Variants in TRIM44 observed in about 807,000 individuals in gnomAD.
TRIM44 encodes the protein tripartite motif-containing protein 44.
TRIM44 carries 13 observed loss-of-function variants against 37.4 expected under a neutral mutation model. The ratio of observed to expected loss-of-function variants is 0.35; its 90% CI spans 0.23 to 0.55. TRIM44 has a LOEUF of 0.55. Among genes scored for constraint, TRIM44 ranks in the 20% least tolerant of loss-of-function variants. TRIM44 has a pLI of 0.89. For synonymous variants in TRIM44, 175 were observed against 157.2 expected (o/e 1.11, Z -0.85); for missense variants, 426 against 437.2 (o/e 0.97, Z 0.23).
chr11:35,785,613 C>T (rs1195407276), intron 4 of TRIM44, among the ~76,000 whole-genome samples: 1 of 152,226 alleles, frequency 6.6e-6, no homozygotes, highest in East Asian at 1.9e-4. Flanking sequence ...AACACAGTAT[C>T]AGCCTGATTC....
chr11:35,692,493 T>C (rs1421205539), intron 2 of TRIM44, among the ~76,000 whole-genome samples: 1 of 152,190 alleles, frequency 6.6e-6, no homozygotes, highest in African/African-American at 2.4e-5. Flanking sequence ...TGAGCTTCCC[T>C]AATCTGAAAA....
chr11:35,731,311 A>C (rs765585420), intron 3 of TRIM44, among the ~76,000 whole-genome samples: 5 of 152,082 alleles, frequency 3.3e-5, no homozygotes, highest in Non-Finnish European at 7.4e-5. Context: ...CTTTTGTGAG[A>C]TATATCTTCT....
chr11:35,662,801 A>G lies in TRIM44; in HGVS notation c.-311A>G, dbSNP rs1851283345. 2 of 234,622 alleles carry G rather than the reference A, an allele frequency of 8.5e-6. No homozygotes were observed. Among genetic ancestry groups the G allele is most frequent in the East Asian group, 1.7e-4 (2 of 11,582 alleles). 14.5% of individuals were successfully genotyped at this position (234,622 alleles called of 1,614,324 possible). A position where few individuals can be genotyped will look rare whatever the true frequency, so the allele number is the denominator to read the frequency against. On this transcript the variant is annotated 5_prime_UTR_variant, in exon 1 of 5. Coordinates refer to ENST00000299413, the MANE Select transcript of TRIM44 (RefSeq NM_017583.6). ...GCGGCTGCCGCGATCTCTCCCTGGT[A>G]GCGGGAGGCTGAGCGGGCGGCGCGA...
In TRIM44 at chr11:35,795,704, AATAG is replaced by A. The variant is rs1441892814; in HGVS notation, c.1008-10649_1008-10646del. Among the ~76,000 whole-genome samples, 4 of 151,820 alleles carry A rather than the reference AATAG, an allele frequency of 2.6e-5. No individual in the cohort carries two copies. In the East Asian group the frequency reaches 7.7e-4, roughly 29 times the overall value. On this transcript the variant is annotated intron_variant, in intron 4 of 4. Transcript: ENST00000299413. The stretch of plus-strand genomic sequence containing the variant: ...GTGTTAACTCTTCCCGTTTTTTTTT[AATAG>A]ATAGCAGTTTCAGAGGAAATGGGTG...
chr11:35,794,643 T>G (rs1853258039), intron 4 of TRIM44, among the ~76,000 whole-genome samples: 1 of 152,170 alleles, frequency 6.6e-6, no homozygotes, highest in African/African-American at 2.4e-5. Flanking sequence ...GCAGAGACAA[T>G]TAGAAAAGAA....
chr11:35,774,948 T>C (rs1016023780), intron 4 of TRIM44, among the ~76,000 whole-genome samples: 3 of 152,186 alleles, frequency 2.0e-5, no homozygotes, highest in East Asian at 1.9e-4. Context: ...CTTGGCAATG[T>C]GGGCTCTTTT....
chr11:35,721,138 A>G (rs927341989), intron 2 of TRIM44, among the ~76,000 whole-genome samples: 2 of 152,112 alleles, frequency 1.3e-5, no homozygotes, highest in Non-Finnish European at 2.9e-5. Context: ...TCCTGACCTC[A>G]GGTGATCCAC....
intron 4 of TRIM44, among the ~76,000 whole-genome samples, chr11:35,745,881 A>C (rs1852482103): frequency 6.6e-6 from 1 of 152,132 alleles, no homozygotes; most frequent in Admixed American, 6.6e-5. Flanking sequence ...TACAAACTCC[A>C]CACACAGTGG....
At chr11:35,720,603 C>T (rs1157597555) in intron 2 of TRIM44, among the ~76,000 whole-genome samples, 2 of 152,164 alleles carry the variant, frequency 1.3e-5, no homozygotes, top group African/African-American at 4.8e-5. Flanking sequence ...AGGGGACATC[C>T]TTGCCTTGTT....
chr11:35,691,877 C>T (rs1851640542), intron 2 of TRIM44, among the ~76,000 whole-genome samples: 1 of 152,128 alleles, frequency 6.6e-6, no homozygotes. Context: ...GATCTCCTGA[C>T]CTCGTGATCC....
In TRIM44 at chr11:35,663,319, C is replaced by G; in HGVS notation, c.208C>G (p.Pro70Ala). The G allele has an allele frequency of 6.2e-7, 1 of 1,613,994 alleles. No individual in the cohort carries two copies. Among genetic ancestry groups the G allele is most frequent in the Non-Finnish European group, 8.5e-7 (1 of 1,180,000 alleles). Reference protein sequence around the residue: ...YVHGSQAWTPPADGEGAGKEE... With the variant: ...YVHGSQAWTPAADGEGAGKEE... The stretch of plus-strand genomic sequence containing the variant: ...CCACGGCTCCCAGGCCTGGACCCCG[C>G]CAGCTGACGGAGAGGGGGCGGGGAA... The change falls in exon 1 of 5, where the codon CCA (proline) becomes GCA (alanine). Residue 70 changes from proline to alanine, a missense_variant. By Grantham distance (27) the Pro-to-Ala change is conservative. Around this residue, in one of 2 missense-constraint regions of TRIM44, gnomAD observed 331 missense variants for 303.0 expected, o/e 1.09. Coordinates refer to ENST00000299413, the MANE Select transcript of TRIM44 (RefSeq NM_017583.6).
At chr11:35,769,093 C>G (rs1852833469) in intron 4 of TRIM44, among the ~76,000 whole-genome samples, 1 of 152,176 alleles carries the variant, frequency 6.6e-6, no homozygotes, top group African/African-American at 2.4e-5. Flanking sequence ...CTTAGATGAA[C>G]CACGTGCTTT....
chr11:35,717,545 G>A (rs974901825), intron 2 of TRIM44, among the ~76,000 whole-genome samples: 4 of 152,120 alleles, frequency 2.6e-5, no homozygotes, highest in Non-Finnish European at 4.4e-5. Flanking sequence ...ACTGATTTGA[G>A]TAATAATAAA....
At chr11:35,717,732 G>A (rs2135511509) in intron 2 of TRIM44, among the ~76,000 whole-genome samples, 1 of 152,224 alleles carries the variant, frequency 6.6e-6, no homozygotes, top group South Asian at 2.1e-4. Context: ...TCAGAACAGA[G>A]GAAAGCACCA....
intron 4 of TRIM44, among the ~76,000 whole-genome samples, chr11:35,736,686 A>G (rs1936610201): frequency 6.6e-6 from 1 of 152,160 alleles, no homozygotes; most frequent in South Asian, 2.1e-4. Context: ...GATCTTGTCT[A>G]GCTCCTTGTC....
intron 1 of TRIM44, among the ~76,000 whole-genome samples, chr11:35,664,526 G>A (rs1279195928): frequency 1.3e-5 from 2 of 152,158 alleles, no homozygotes; most frequent in Non-Finnish European, 2.9e-5. Flanking sequence ...CGGGGAGGGA[G>A]GGGGAAATTT....
In TRIM44 at chr11:35,772,630, G is replaced by A. The variant is rs564967793; in HGVS notation, c.1008-33728G>A. Among the ~76,000 whole-genome samples the A allele has an allele frequency of 7.5e-4, 114 of 152,358 alleles. 2 individuals carry two copies. Among genetic ancestry groups the A allele is most frequent in the African/African-American group, 2.6e-3 (109 of 41,574 alleles). ...TGGATTTCAGACTTTCATGGGGCTG[G>A]TAGCCCCTTTGTTTTGGCCAATTTC... On this transcript the variant is annotated intron_variant, in intron 4 of 4. Coordinates refer to ENST00000299413, the MANE Select transcript of TRIM44 (RefSeq NM_017583.6).
At chr11:35,743,467 A>G (rs916512754) in intron 4 of TRIM44, among the ~76,000 whole-genome samples, 1 of 152,220 alleles carries the variant, frequency 6.6e-6, no homozygotes, top group African/African-American at 2.4e-5. Context: ...AAAATCTCAC[A>G]TCTTACTATA....
intron 1 of TRIM44, among the ~76,000 whole-genome samples, chr11:35,666,561 C>G (rs149481186): frequency 6.6e-6 from 1 of 152,110 alleles, no homozygotes; most frequent in East Asian, 1.9e-4. Context: ...TTTTTCACAT[C>G]ATTGTAAAAT....
Sources: gnomAD v4.1 joint callset for allele counts (sites outside exome capture counted in the v4.1 genomes callset) on GRCh38, gnomAD v4.1.1 for gene constraint, gnomAD v4.1.1 regional missense constraint, MANE v1.5 for transcripts, NCBI Gene and HGNC (gene_info 2026-07-23, HGNC 2026-07-21) for gene names.